ABCC5: variants seen among roughly 807,000 people sequenced by gnomAD.
ABCC5 encodes the protein ATP-binding cassette sub-family C member 5.
A neutral mutation model predicts 160.9 loss-of-function variants in ABCC5; 61 were observed. The observed-to-expected ratio is 0.38, with a 90% CI of 0.31 to 0.47. ABCC5 has a LOEUF of 0.47. Ranked by LOEUF, ABCC5 falls within the 20% of genes least tolerant of loss-of-function variation. The probability of loss-of-function intolerance (pLI) is 0.99; values close to 1 mark genes in which losing one functional copy is unlikely to be tolerated. For synonymous variants in ABCC5, 666 were observed against 700.6 expected (o/e 0.95, Z 0.78); for missense variants, 1,308 against 1,813.3 (o/e 0.72, Z 5.06).
intron 25 of ABCC5, among the ~76,000 whole-genome samples, chr3:183,940,718 A>C (rs958355766): frequency 6.6e-6 from 1 of 152,094 alleles, no homozygotes; most frequent in Non-Finnish European, 1.5e-5. Flanking sequence ...CTTTGCACTG[A>C]TGGAATGTGC....
At chr3:183,961,808 C>T (rs1430479389) in intron 15 of ABCC5, among the ~76,000 whole-genome samples, 154 bp from the exon 16 acceptor site, 1 of 152,104 alleles carries the variant, frequency 6.6e-6, no homozygotes, top group Non-Finnish European at 1.5e-5. Context: ...GAGGCAGAGT[C>T]TTGCTCTGTC....
rs771015738 is a variant in ABCC5, at chr3:183,921,346, T to C, written c.4268A>G (p.Tyr1423Cys). The C allele has an allele frequency of 1.2e-6, 2 of 1,612,266 alleles. No individual in the cohort carries two copies. The highest frequency in any genetic ancestry group is 1.7e-6 in the Non-Finnish European group (2 of 1,178,748). The change falls in exon 30 of 30, where the codon TAT becomes TGT. Residue 1423 changes from tyrosine (Y) to cysteine (C), a missense_variant. Coordinates refer to ENST00000334444, the MANE Select transcript of ABCC5 (RefSeq NM_005688.4). This position sits in a 1 kb window ranked among gnomAD's most constrained non-coding sequence, Gnocchi z 4.1. ...GTTCTCTGCAGCAGCAAACATGGCA[T>C]AGAATCGGGAACTGTCGTTGGACAG... ...VLLSNDSSRFYAMFAAAENKV... is the reference protein window; with the variant it reads ...VLLSNDSSRFCAMFAAAENKV...
intron 12 of ABCC5, among the ~76,000 whole-genome samples, chr3:183,966,033 A>G (rs1318689862): frequency 2.0e-5 from 3 of 152,222 alleles, no homozygotes; most frequent in Non-Finnish European, 4.4e-5. Context: ...GCCCACAAGC[A>G]GTGATGAACC....
chr3:183,999,981 A>G (rs989809765), intron 2 of ABCC5, among the ~76,000 whole-genome samples: 12 of 152,122 alleles, frequency 7.9e-5, no homozygotes, highest in Non-Finnish European at 1.5e-5. Context: ...GAAATGTATC[A>G]AAGGGAAGAG....
chr3:183,927,487 C>T, intron 27 of ABCC5, 44 bp from the exon 28 acceptor site: 2 of 1,566,520 alleles, frequency 1.3e-6, no homozygotes, highest in Non-Finnish European at 1.7e-6. Context: ...AGAAACTAAG[C>T]TGAATTTCCT....
Position 183,961,520 on chromosome 3 carries a change from C to T in ABCC5, c.2370G>A (p.Pro790=), listed in dbSNP as rs775277149. 26 of 1,613,906 alleles carry T rather than the reference C, an allele frequency of 1.6e-5. No individual in the cohort carries two copies. The highest frequency in any genetic ancestry group is 1.2e-4 in the Admixed American group (7 of 59,994). The part of the protein sequence containing the change: ...IFNNLLLGET[P]PVEINSKKET... ...CACCATCAGATCTTACCTCAACTGG[C>T]GGTGTCTCTCCCAGCAACAGGTTAT... Residue 790 remains proline, a synonymous_variant, in exon 16 of 30, where the codon CCG becomes CCA. Coordinates refer to ENST00000334444, the MANE Select transcript of ABCC5 (RefSeq NM_005688.4).
At chr3:184,007,090 G>A (rs912825026) in intron 2 of ABCC5, among the ~76,000 whole-genome samples, 4 of 134,884 alleles carry the variant, frequency 3.0e-5, no homozygotes, top group Non-Finnish European at 6.1e-5. Flanking sequence ...GTGCGATCTC[G>A]GCTCACTGCA....
Position 183,949,821 on chromosome 3 carries a change from G to A in ABCC5, c.3159C>T (p.His1053=). The A allele has an allele frequency of 6.2e-7, 1 of 1,614,206 alleles. No individual in the cohort carries two copies. Among genetic ancestry groups the A allele is most frequent in the Non-Finnish European group, 8.5e-7 (1 of 1,180,044 alleles). The stretch of plus-strand genomic sequence containing the variant: ...CAAGGCCCTGTATGCTGGACGTGAT[G>A]TGGGAGAGGAAAGGTGACTGCGTGA... ...DNITQSPFLS[H]ITSSIQGLAT... Residue 1053 remains histidine, a synonymous_variant, in exon 22 of 30, where the codon CAC becomes CAT. Transcript: ENST00000334444. This position sits in a 1 kb window ranked among gnomAD's most constrained non-coding sequence, Gnocchi z 4.2.
chr3:183,967,650 C>T, intron 12 of ABCC5, 45 bp downstream of exon 12: 1 of 1,544,156 alleles, frequency 6.5e-7, no homozygotes, highest in Non-Finnish European at 8.9e-7. Context: ...GAGACTCTTG[C>T]AAACCAGAGA....
chr3:184,017,592 C>G lies in ABCC5; in HGVS notation c.-56+238G>C, dbSNP rs1349619656. 1 of 152,338 alleles carries G rather than the reference C, an allele frequency of 6.6e-6. No individual in the cohort carries two copies. The highest frequency in any genetic ancestry group is 2.4e-5 in the African/African-American group (1 of 41,434). 9.4% of individuals were successfully genotyped at this position (152,338 alleles called of 1,614,324 possible). A position where few individuals can be genotyped will look rare whatever the true frequency, so the allele number is the denominator to read the frequency against. ...TAGCCCGCGTCCCTGCCCGCTCATC[C>G]CGATCCTACCTGCCTGTCTTCCAGC... On this transcript the variant is annotated intron_variant, in intron 1 of 29. Transcript: ENST00000334444. This position sits in a 1 kb window ranked among gnomAD's most constrained non-coding sequence, Gnocchi z 4.5.
intron 8 of ABCC5, among the ~76,000 whole-genome samples, chr3:183,981,260 C>T (rs142676732): frequency 1.2e-4 from 19 of 152,260 alleles, no homozygotes; most frequent in African/African-American, 2.9e-4. Flanking sequence ...GGCACTTACA[C>T]GTTTGACAGA....
At position 183,985,560 on chromosome 3, in the gene ABCC5, G is replaced by A; in HGVS notation, c.591+2210C>T. On this transcript the variant is annotated intron_variant, in intron 5 of 29. Transcript: ENST00000334444. ...CGAGCAGAGTTAGCATTCACCAAGA[G>A]AGAGCACTGCAGGAGGCGGCCTTCT... 4.1e-6 allele frequency: 3 copies of A among 724,584 alleles called. No homozygotes were observed. In the South Asian group the frequency reaches 4.2e-5, roughly 10 times the overall value. The allele number at this position is 724,584 out of a possible 1,614,324, so 44.9% of individuals were successfully genotyped here.
intron 15 of ABCC5, among the ~76,000 whole-genome samples, chr3:183,962,678 C>T (rs1294611734): frequency 1.3e-5 from 2 of 151,966 alleles, no homozygotes; most frequent in African/African-American, 2.4e-5. Context: ...ATTGCAGGCA[C>T]GTGCCACCAT....
Position 183,921,271 on chromosome 3 carries a change from A to C in ABCC5, c.*29T>G, listed in dbSNP as rs761232566. 1.5e-6 allele frequency: 2 copies of C among 1,369,178 alleles called. No individual in the cohort carries two copies. Among genetic ancestry groups the C allele is most frequent in the Non-Finnish European group, 2.1e-6 (2 of 969,202 alleles). The allele number at this position is 1,369,178 out of a possible 1,614,324, so 84.8% of individuals were successfully genotyped here. On this transcript the variant is annotated 3_prime_UTR_variant, in exon 30 of 30. Transcript: ENST00000334444. The surrounding 1 kb of genome is among the most constrained non-coding windows in gnomAD (Gnocchi z 4.1). ...CAGGCAGGGAATGGCAATGCTCTAAAGAAAAGAGACTTCGTCAACAGGGAG... is the reference window on the plus strand; with the variant it reads ...CAGGCAGGGAATGGCAATGCTCTAACGAAAAGAGACTTCGTCAACAGGGAG...
chr3:184,017,881 G>A lies in ABCC5; in HGVS notation c.-107C>T, dbSNP rs1295197700. On this transcript the variant is annotated 5_prime_UTR_variant, in exon 1 of 30. Coordinates refer to ENST00000334444, the MANE Select transcript of ABCC5 (RefSeq NM_005688.4). The surrounding 1 kb of genome is among the most constrained non-coding windows in gnomAD (Gnocchi z 4.5). The stretch of plus-strand genomic sequence containing the variant: ...GCCAGCCGCTCAACCACGCTCCCGA[G>A]CATGAGCCCTGCAGCAAAACAAGCC... 2 of 152,646 alleles carry A rather than the reference G, an allele frequency of 1.3e-5. No homozygotes were observed. Among genetic ancestry groups the A allele is most frequent in the East Asian group, 3.8e-4 (2 of 5,208 alleles). 9.5% of individuals were successfully genotyped at this position (152,646 alleles called of 1,614,324 possible).
chr3:183,929,774 C>T (rs115295669), intron 26 of ABCC5, among the ~76,000 whole-genome samples: 89 of 152,100 alleles, frequency 5.9e-4, no homozygotes, highest in African/African-American at 2.1e-3. Context: ...GCGCATGCCA[C>T]GTAATTTTTG....
chr3:183,927,535 A>G (rs1712706025), intron 27 of ABCC5, 92 bp from the exon 28 acceptor site: 1 of 1,505,482 alleles, frequency 6.6e-7, no homozygotes, highest in Non-Finnish European at 8.9e-7. Flanking sequence ...TCTGAAAGCG[A>G]TGAAAGAACT....
intron 17 of ABCC5, among the ~76,000 whole-genome samples, chr3:183,958,411 G>T (rs1185076017): frequency 6.6e-6 from 1 of 152,202 alleles, no homozygotes; most frequent in African/African-American, 2.4e-5. Context: ...ACTATGTACA[G>T]AAGAACATAT....
chr3:183,962,977 C>T (rs1273088576), intron 15 of ABCC5, among the ~76,000 whole-genome samples: 1 of 152,200 alleles, frequency 6.6e-6, no homozygotes, highest in Non-Finnish European at 1.5e-5. Context: ...ATATGTGAGC[C>T]AGATGGCAAC....
Sources: gnomAD v4.1 joint callset for allele counts (sites outside exome capture counted in the v4.1 genomes callset) on GRCh38, gnomAD v4.1.1 for gene constraint, Gnocchi (gnomAD v3.1) non-coding constraint, MANE v1.5 for transcripts, NCBI Gene and HGNC (gene_info 2026-07-23, HGNC 2026-07-21) for gene names.